The following BTRC variants were observed in gnomAD, a reference collection of about 807,000 sequenced individuals.
The protein encoded by BTRC is F-box/WD repeat-containing protein 1A.
A neutral mutation model predicts 85.5 loss-of-function variants in BTRC; 42 were observed. The ratio of observed to expected loss-of-function variants is 0.49; its 90% CI spans 0.38 to 0.64. The LOEUF (loss-of-function observed/expected upper bound fraction) is 0.64. Among genes scored for constraint, BTRC ranks in the 30% least tolerant of loss-of-function variants. The pLI is 0.00. For synonymous variants in BTRC, 255 were observed against 263.3 expected, an observed-to-expected ratio of 0.97 and a Z score of 0.30; for missense variants, 594 against 743.5, an observed-to-expected ratio of 0.80 and a Z score of 2.34.
chr10:101,521,525 CAG>C (rs2062105480), intron 4 of BTRC, 112 bp from the exon 5 acceptor site: 1 of 739,824 alleles, frequency 1.4e-6, no homozygotes, highest in Non-Finnish European at 2.2e-6. Context: ...AATAGAATAA[CAG>C]AGTGGGCTCA....
intron 5 of BTRC, among the ~76,000 whole-genome samples, 187 bp from the exon 6 acceptor site, chr10:101,525,826 C>A (rs981057179): frequency 6.6e-6 from 1 of 151,972 alleles, no homozygotes; most frequent in Admixed American, 6.6e-5. Flanking sequence ...ATTTCTGTAA[C>A]CTTATGGAAA....
chr10:101,429,220 A>G (rs537553272), intron 1 of BTRC, among the ~76,000 whole-genome samples: 11 of 152,222 alleles, frequency 7.2e-5, no homozygotes, highest in Admixed American at 5.2e-4. Flanking sequence ...AATAGCACTC[A>G]AGTTGATGGA....
chr10:101,532,933 A>G lies in BTRC; in HGVS notation c.979-19A>G, dbSNP rs2062321844. ...CCCCATCATCACATTGATCAAAAGG[A>G]TCTTATTTGCCATCCTAGATCTGGG... On this transcript the variant is annotated intron_variant, in intron 8 of 14. Coordinates refer to ENST00000370187, the MANE Select transcript of BTRC (RefSeq NM_033637.4). 1.9e-6 allele frequency: 3 copies of G among 1,568,982 alleles called. No individual in the cohort carries two copies. The highest frequency in any genetic ancestry group is 2.7e-5 in the African/African-American group (2 of 73,748).
chr10:101,524,934 T>C (rs1292457503), intron 5 of BTRC, among the ~76,000 whole-genome samples: 1 of 152,192 alleles, frequency 6.6e-6, no homozygotes, highest in Non-Finnish European at 1.5e-5. Context: ...ATTAAAATGA[T>C]ATGATTCAGG....
intron 1 of BTRC, among the ~76,000 whole-genome samples, chr10:101,367,291 A>G (rs955406426): frequency 4.2e-4 from 63 of 150,886 alleles, no homozygotes; most frequent in African/African-American, 1.3e-3. Context: ...GATGGTCTCT[A>G]TCTCTTGACC....
intron 1 of BTRC, among the ~76,000 whole-genome samples, chr10:101,418,689 A>C (rs1406993322): frequency 6.6e-6 from 1 of 151,914 alleles, no homozygotes; most frequent in Non-Finnish European, 1.5e-5. Flanking sequence ...ATAATTGGCA[A>C]ACAAAAATTA....
intron 2 of BTRC, among the ~76,000 whole-genome samples, chr10:101,446,000 T>C (rs1250972206): frequency 6.6e-6 from 1 of 152,184 alleles, no homozygotes; most frequent in South Asian, 2.1e-4. Flanking sequence ...GGAAGATTGC[T>C]TTTTCAATCC....
At chr10:101,469,208 GGA>G (rs1289127321) in intron 3 of BTRC, among the ~76,000 whole-genome samples, 2 of 152,194 alleles carry the variant, frequency 1.3e-5, no homozygotes, top group African/African-American at 4.8e-5. Flanking sequence ...ATTTCAAACT[GGA>G]GAGAGTCTTA....
Position 101,534,812 on chromosome 10 carries a change from A to G in BTRC, c.1249A>G (p.Thr417Ala), listed in dbSNP as rs2062359968. 1.2e-6 allele frequency: 2 copies of G among 1,614,034 alleles called. No homozygotes were observed. Among genetic ancestry groups the G allele is most frequent in the Non-Finnish European group, 1.7e-6 (2 of 1,180,002 alleles). Residue 417 changes from threonine (T) to alanine (A), a missense_variant, in exon 10 of 15, where the codon ACC becomes GCC. By Grantham distance (58) the Thr-to-Ala change is moderately conservative (BLOSUM62 0). Coordinates refer to ENST00000370187, the MANE Select transcript of BTRC (RefSeq NM_033637.4). The stretch of plus-strand genomic sequence containing the variant: ...GGATATGGCCTCCCCAACTGACATT[A>G]CCCTCCGGAGGGTGCTGGTCGGACA... ...VWDMASPTDI[T>A]LRRVLVGHRA...
chr10:101,376,034 A>C (rs967886579), intron 1 of BTRC, among the ~76,000 whole-genome samples: 3 of 152,186 alleles, frequency 2.0e-5, no homozygotes, highest in African/African-American at 7.2e-5. Context: ...TGGAATCAAA[A>C]GTGATGGCAG....
chr10:101,531,629 G>A (rs1293002549), intron 7 of BTRC, among the ~76,000 whole-genome samples: 1 of 152,110 alleles, frequency 6.6e-6, no homozygotes, highest in African/African-American at 2.4e-5. Context: ...GCTGAGATAG[G>A]AGAATCACTT....
chr10:101,514,631 T>G (rs1419413450), intron 4 of BTRC, among the ~76,000 whole-genome samples: 2 of 152,154 alleles, frequency 1.3e-5, no homozygotes, highest in Non-Finnish European at 1.5e-5. Context: ...TTTTGTATTT[T>G]TAGTAGAGAT....
At chr10:101,438,412 G>GA (rs1389806107) in intron 2 of BTRC, among the ~76,000 whole-genome samples, 4 of 102,796 alleles carry the variant, frequency 3.9e-5, no homozygotes, top group Admixed American at 1.5e-4. Context: ...GCGACAGAGC[G>GA]AGACTGCCTC....
At chr10:101,430,486 C>A in intron 2 of BTRC, 34 bp downstream of exon 2, 1 of 1,558,410 alleles carries the variant, frequency 6.4e-7, no homozygotes, top group Non-Finnish European at 8.8e-7. Flanking sequence ...TATTTGCGGG[C>A]ATTAGTGTAT....
intron 4 of BTRC, among the ~76,000 whole-genome samples, chr10:101,495,689 A>G (rs1178903251): frequency 6.6e-6 from 1 of 152,244 alleles, no homozygotes; most frequent in East Asian, 1.9e-4. Flanking sequence ...AATAAGGGCT[A>G]GGACAGTCTA....
intron 8 of BTRC, among the ~76,000 whole-genome samples, 155 bp from the exon 9 acceptor site, chr10:101,532,797 T>TGCGCGCGCGCGC (rs5787439): frequency 1.4e-5 from 2 of 141,174 alleles, no homozygotes; most frequent in Non-Finnish European, 3.2e-5. Context: ...TGTGCGCGTG[T>TGCGCGCGCGCGC]GCGCGCGCGC....
chr10:101,357,696 C>T (rs114616649), intron 1 of BTRC, among the ~76,000 whole-genome samples: 2,090 of 152,206 alleles, frequency 0.014, 37 homozygotes, highest in African/African-American at 0.044. Context: ...CAAATTTGCT[C>T]ATTGCTATAC....
At chr10:101,415,747 G>T (rs1943928231) in intron 1 of BTRC, among the ~76,000 whole-genome samples, 1 of 149,680 alleles carries the variant, frequency 6.7e-6, no homozygotes, top group South Asian at 2.1e-4. Context: ...CATCATGTTG[G>T]CCAGGCTGGT....
intron 9 of BTRC, 145 bp from the exon 10 acceptor site, chr10:101,534,516 C>A: frequency 9.4e-7 from 1 of 1,060,290 alleles, no homozygotes; most frequent in East Asian, 2.4e-5. Context: ...TAAGGACACA[C>A]TGGCAGCATC....
Sources: gnomAD v4.1 joint callset for allele counts (sites outside exome capture counted in the v4.1 genomes callset) on GRCh38, gnomAD v4.1.1 for gene constraint, MANE v1.5 for transcripts, NCBI Gene and HGNC (gene_info 2026-07-23, HGNC 2026-07-21) for gene names.